The following XPO4 variants were observed in gnomAD, a reference collection of about 807,000 sequenced individuals.
XPO4 encodes exportin-4.
A neutral mutation model predicts 143.0 loss-of-function variants in XPO4; 39 were observed. The ratio of observed to expected loss-of-function variants is 0.27; its 90% CI spans 0.21 to 0.36. The LOEUF (loss-of-function observed/expected upper bound fraction) is 0.36. Among genes scored for constraint, XPO4 ranks in the 10% least tolerant of loss-of-function variants. The pLI, the probability that XPO4 is intolerant of heterozygous loss-of-function variation, is 1.00. For synonymous variants in XPO4, 439 were observed against 474.0 expected (o/e 0.93, Z 0.96); for missense variants, 907 against 1,348.0 (o/e 0.67, Z 5.12).
intron 6 of XPO4, among the ~76,000 whole-genome samples, chr13:20,833,204 T>A (rs1397648715): frequency 1.3e-5 from 2 of 152,060 alleles, no homozygotes; most frequent in South Asian, 2.1e-4. Context: ...AATTAAATAA[T>A]AAATATATAA....
At chr13:20,852,412 C>T (rs2060098090) in intron 4 of XPO4, 2 of 985,318 alleles carry the variant, frequency 2.0e-6, no homozygotes, top group African/African-American at 1.7e-5. Context: ...ATATCCACCA[C>T]TTCTTTTTCC....
Position 20,782,800 on chromosome 13 carries a change from G to A in XPO4, c.*922C>T, listed in dbSNP as rs1315494508. On this transcript the variant is annotated 3_prime_UTR_variant, in exon 23 of 23. Coordinates refer to ENST00000255305, the MANE Select transcript of XPO4 (RefSeq NM_022459.5). ...CGTGGTTTCTTACTAAAACAAATCA[G>A]CTGTTTTTGTATTTTCCTCTTAAAA... The A allele has an allele frequency of 2.0e-5, 3 of 152,564 alleles. No individual in the cohort carries two copies. The highest frequency in any genetic ancestry group is 6.5e-5 in the Admixed American group (1 of 15,274). 9.5% of individuals were successfully genotyped at this position (152,564 alleles called of 1,614,324 possible).
rs79286165 is a variant in XPO4, at chr13:20,878,751, G to T, written c.70-10050C>A. ...ACAGTGTCTACAGGACTCAAAGGGGGCTTCAATTATATCTGTGATATCTTA... is the reference window on the plus strand; with the variant it reads ...ACAGTGTCTACAGGACTCAAAGGGGTCTTCAATTATATCTGTGATATCTTA... On this transcript the variant is annotated intron_variant, in intron 1 of 22. Transcript: ENST00000255305. Among the ~76,000 whole-genome samples, 232 of 152,270 alleles carry T rather than the reference G, an allele frequency of 1.5e-3. 2 individuals are homozygous for T. The highest frequency in any genetic ancestry group is 5.5e-3 in the African/African-American group (230 of 41,542).
chr13:20,808,763 T>C (rs1460413406), intron 11 of XPO4, among the ~76,000 whole-genome samples, 182 bp from the exon 12 acceptor site: 4 of 152,180 alleles, frequency 2.6e-5, no homozygotes, highest in East Asian at 1.9e-4. Flanking sequence ...TTTTATAACA[T>C]AGAATTAAAA....
chr13:20,842,391 C>A (rs1041025431), intron 6 of XPO4, among the ~76,000 whole-genome samples: 5 of 152,096 alleles, frequency 3.3e-5, no homozygotes, highest in Non-Finnish European at 7.4e-5. Flanking sequence ...TTCCTAAAAA[C>A]AAAATTCTCA....
chr13:20,892,833 A>G (rs2060531154), intron 1 of XPO4, among the ~76,000 whole-genome samples: 1 of 151,972 alleles, frequency 6.6e-6, no homozygotes, highest in African/African-American at 2.4e-5. Context: ...GCAGTGAGTC[A>G]TGATCACACC....
At chr13:20,883,137 T>C (rs1281716508) in intron 1 of XPO4, among the ~76,000 whole-genome samples, 1 of 152,232 alleles carries the variant, frequency 6.6e-6, no homozygotes, top group Non-Finnish European at 1.5e-5. Flanking sequence ...TACCATCCTT[T>C]GCGGTTCCCT....
rs555727346 is a variant in XPO4, at chr13:20,851,885, T to C, written c.456+3742A>G. On this transcript the variant is annotated intron_variant, in intron 4 of 22. Transcript: ENST00000255305. ...TGAACAGCTATATCTGTTCCAATCA[T>C]TCTCAGAAGATCAGTTATTTCAGTG... is the stretch of plus-strand genomic sequence containing the variant. 249 of 985,402 alleles carry C rather than the reference T, an allele frequency of 2.5e-4. No individual in the cohort carries two copies. The African/African-American group carries it at 4.0e-3, about 16-fold the overall frequency. The allele number at this position is 985,402 out of a possible 1,614,324, so 61.0% of individuals were successfully genotyped here.
At chr13:20,831,804 A>ATTTTTTTT (rs34302388) in intron 6 of XPO4, among the ~76,000 whole-genome samples, 23 of 88,752 alleles carry the variant, frequency 2.6e-4, no homozygotes, top group South Asian at 9.3e-4. Context: ...TAGTACAGTG[A>ATTTTTTTT]TTTTTTTTTT....
chr13:20,888,929 A>C (rs2060486196), intron 1 of XPO4, among the ~76,000 whole-genome samples: 1 of 152,040 alleles, frequency 6.6e-6, no homozygotes, highest in African/African-American at 2.4e-5. Flanking sequence ...CAGCCTCCCA[A>C]GTACCTGGGG....
intron 19 of XPO4, 52 bp downstream of exon 19, chr13:20,790,410 T>C: frequency 7.3e-7 from 1 of 1,366,898 alleles, no homozygotes; most frequent in Non-Finnish European, 1.0e-6. Flanking sequence ...TAAAGTATCT[T>C]TGAACTTCAG....
intron 9 of XPO4, among the ~76,000 whole-genome samples, chr13:20,810,323 A>G (rs2059564282): frequency 6.6e-6 from 1 of 152,210 alleles, no homozygotes. Context: ...ATGAAAACAG[A>G]CTGACTTAAT....
chr13:20,858,162 TA>T (rs574872285), intron 3 of XPO4, among the ~76,000 whole-genome samples: 1 of 150,658 alleles, frequency 6.6e-6, no homozygotes, highest in Non-Finnish European at 1.5e-5. Flanking sequence ...TCACCTAGAT[TA>T]AAAAAAAACC....
intron 2 of XPO4, among the ~76,000 whole-genome samples, chr13:20,867,411 C>T (rs899440726): frequency 2.0e-5 from 3 of 152,162 alleles, no homozygotes; most frequent in Non-Finnish European, 4.4e-5. Context: ...TGACATTTAC[C>T]TCACTGTTCA....
chr13:20,855,192 A>C (rs2060130113), intron 4 of XPO4, among the ~76,000 whole-genome samples: 1 of 152,200 alleles, frequency 6.6e-6, no homozygotes, highest in African/African-American at 2.4e-5. Context: ...GCAGTGGCTC[A>C]CACCTGTAAT....
At chr13:20,874,668 A>G (rs2060334557) in intron 1 of XPO4, among the ~76,000 whole-genome samples, 5 of 152,060 alleles carry the variant, frequency 3.3e-5, no homozygotes. Context: ...ATGCTCTTGG[A>G]CTTCCCAGCT....
intron 4 of XPO4, chr13:20,851,702 C>G (rs1194571407): frequency 2.3e-6 from 2 of 883,332 alleles, no homozygotes; most frequent in South Asian, 1.1e-4. Flanking sequence ...AGAGCAAGAC[C>G]CGGTCTCACA....
chr13:20,792,126 TCTG>T (rs532758983), intron 18 of XPO4, among the ~76,000 whole-genome samples: 113 of 152,296 alleles, frequency 7.4e-4, no homozygotes, highest in African/African-American at 2.5e-3. Context: ...AACCATGTGC[TCTG>T]CTAAGGAGTC....
At chr13:20,805,488 CTTTGCATTCACTG>C (rs2059491954) in intron 13 of XPO4, among the ~76,000 whole-genome samples, 2 of 152,166 alleles carry the variant, frequency 1.3e-5, no homozygotes, top group East Asian at 3.8e-4. Flanking sequence ...GGCCCAGGGC[CTTTGCATTCACTG>C]TTTATTTTGC....
Sources: allele counts gnomAD v4.1 joint callset (sites outside exome capture counted in the v4.1 genomes callset), GRCh38; gene constraint gnomAD v4.1.1; transcripts MANE v1.5; gene names NCBI Gene and HGNC (gene_info 2026-07-23, HGNC 2026-07-21).